ARAP2: variants seen among roughly 807,000 people sequenced by gnomAD.
ARAP2 encodes the protein ArfGAP with RhoGAP domain, ankyrin repeat and PH domain 2, also known as arf-GAP with Rho-GAP domain, ANK repeat and PH domain-containing protein 2.
In ARAP2, 148 loss-of-function variants were observed where a neutral mutation model predicts 194.5. The ratio of observed to expected loss-of-function variants is 0.76; its 90% CI spans 0.67 to 0.87. The LOEUF (loss-of-function observed/expected upper bound fraction) is 0.87. Among genes scored for constraint, ARAP2 ranks in the 40% least tolerant of loss-of-function variants. The pLI, the probability that ARAP2 is intolerant of heterozygous loss-of-function variation, is 0.00. For missense variants in ARAP2, 2,128 were observed against 1,989.7 expected, an observed-to-expected ratio of 1.07 and a Z score of -1.32; for synonymous variants, 695 against 683.5, an observed-to-expected ratio of 1.02 and a Z score of -0.26.
chr4:36,123,318 G>T (rs1723107060), intron 22 of ARAP2, among the ~76,000 whole-genome samples: 1 of 151,718 alleles, frequency 6.6e-6, no homozygotes, highest in South Asian at 2.1e-4. Context: ...CTTTTAGCTA[G>T]GGTAGGGATT....
intron 8 of ARAP2, among the ~76,000 whole-genome samples, chr4:36,178,324 G>C (rs1445098824): frequency 6.6e-6 from 1 of 152,152 alleles, no homozygotes; most frequent in Non-Finnish European, 1.5e-5. Context: ...CTGTATCCCT[G>C]TTAATATCTG....
Position 36,124,979 on chromosome 4 carries a change from A to C in ARAP2, c.3641-12T>G. 6.5e-7 allele frequency: 1 copy of C among 1,534,760 alleles called. No individual in the cohort carries two copies. The highest frequency in any genetic ancestry group is 9.0e-7 in the Non-Finnish European group (1 of 1,110,904). On this transcript the variant is annotated splice_polypyrimidine_tract_variant and intron_variant, in intron 21 of 32. Coordinates refer to ENST00000303965, the MANE Select transcript of ARAP2 (RefSeq NM_015230.4). ...GTCATCTTGCGTATCTGAAGGGGAA[A>C]AAAAAACAATCTTGAGATCTAAACT...
chr4:36,030,430 T>A (rs1293005180), intron 5 of ARAP2, among the ~76,000 whole-genome samples: 3 of 152,120 alleles, frequency 2.0e-5, no homozygotes, highest in Non-Finnish European at 2.9e-5. Flanking sequence ...ATGTATCCTT[T>A]TTATATATAA....
intron 26 of ARAP2, 120 bp from the exon 27 acceptor site, chr4:36,107,813 CAT>C: frequency 2.3e-6 from 2 of 873,458 alleles, no homozygotes; most frequent in South Asian, 2.1e-5. Flanking sequence ...TATACACAAT[CAT>C]ATCTTATGTT....
chr4:36,044,113 G>T (rs1193994756), intron 5 of ARAP2, among the ~76,000 whole-genome samples: 1 of 152,134 alleles, frequency 6.6e-6, no homozygotes, highest in Non-Finnish European at 1.5e-5. Context: ...CATTTATTTA[G>T]CATGTAGTGT....
intron 6 of ARAP2, among the ~76,000 whole-genome samples, chr4:36,197,560 T>C (rs1014014291): frequency 2.6e-5 from 4 of 152,240 alleles, no homozygotes; most frequent in Non-Finnish European, 5.9e-5. Context: ...TGAGTTCTGC[T>C]CTGGCCCACT....
chr4:36,239,294 C>CA (rs1753055137), intron 1 of ARAP2, among the ~76,000 whole-genome samples: 1 of 151,426 alleles, frequency 6.6e-6, no homozygotes, highest in African/African-American at 2.4e-5. Flanking sequence ...AGTATTAACA[C>CA]AAAAAAGATA....
intron 5 of ARAP2, among the ~76,000 whole-genome samples, chr4:36,045,538 G>T (rs1366013894): frequency 2.0e-5 from 3 of 152,084 alleles, no homozygotes; most frequent in Non-Finnish European, 4.4e-5. Flanking sequence ...GAGGCTGGGG[G>T]GTTGGAAAGA....
At chr4:36,060,570 A>G (rs775010500) in intron 1 of ARAP2, among the ~76,000 whole-genome samples, 1 of 152,222 alleles carries the variant, frequency 6.6e-6, no homozygotes, top group African/African-American at 2.4e-5. Flanking sequence ...TCATATATCA[A>G]TATTAACAAA....
Position 36,167,064 on chromosome 4 carries a change from C to A in ARAP2, c.1858-17G>T. ...CTTAAAATCCTAGTTTGGAGAAAAACATAAAAAACTATAAAGAAACAAAAA... is the reference window on the plus strand; with the variant it reads ...CTTAAAATCCTAGTTTGGAGAAAAAAATAAAAAACTATAAAGAAACAAAAA... On this transcript the variant is annotated splice_polypyrimidine_tract_variant and intron_variant, in intron 9 of 32. Transcript: ENST00000303965. 2 of 1,345,414 alleles carry A rather than the reference C, an allele frequency of 1.5e-6. No individual in the cohort carries two copies. The highest frequency in any genetic ancestry group is 2.4e-5 in the East Asian group (1 of 41,988). The allele number at this position is 1,345,414 out of a possible 1,614,324, so 83.3% of individuals were successfully genotyped here.
chr4:36,202,547 G>A (rs1172636112), intron 6 of ARAP2, among the ~76,000 whole-genome samples: 1 of 151,622 alleles, frequency 6.6e-6, no homozygotes, highest in Non-Finnish European at 1.5e-5. Context: ...AAGATTCTTG[G>A]AAGTCAATGA....
chr4:36,033,772 T>G (rs1047870852), intron 5 of ARAP2, among the ~76,000 whole-genome samples: 1 of 152,148 alleles, frequency 6.6e-6, no homozygotes, highest in African/African-American at 2.4e-5. Flanking sequence ...AGGACTCTTA[T>G]AGTTTGGGGT....
chr4:36,195,663 C>T (rs1467208454), intron 6 of ARAP2, among the ~76,000 whole-genome samples: 1 of 152,088 alleles, frequency 6.6e-6, no homozygotes, highest in African/African-American at 2.4e-5. Context: ...CTCCCATTAC[C>T]CCACTATTCC....
chr4:36,056,827 C>T (rs908018954), intron 2 of ARAP2, among the ~76,000 whole-genome samples: 3 of 152,106 alleles, frequency 2.0e-5, no homozygotes, highest in Admixed American at 6.5e-5. Context: ...AATTAAAGCA[C>T]ACATCCTTGA....
At chr4:36,201,571 C>G (rs1744370001) in intron 6 of ARAP2, among the ~76,000 whole-genome samples, 1 of 152,178 alleles carries the variant, frequency 6.6e-6, no homozygotes, top group Non-Finnish European at 1.5e-5. Context: ...GAACATATTT[C>G]TATAAACTCT....
At chr4:36,189,788 A>G (rs979739023) in intron 7 of ARAP2, among the ~76,000 whole-genome samples, 3 of 152,212 alleles carry the variant, frequency 2.0e-5, no homozygotes, top group African/African-American at 7.2e-5. Context: ...TTTCACTGCC[A>G]TATTTCAAGT....
chr4:36,236,751 T>G (rs1032553016), intron 1 of ARAP2, among the ~76,000 whole-genome samples: 1 of 152,190 alleles, frequency 6.6e-6, no homozygotes, highest in Non-Finnish European at 1.5e-5. Flanking sequence ...GATTCAGAGA[T>G]ATATGACAAA....
At chr4:36,184,156 ATT>A (rs1739948360) in intron 8 of ARAP2, among the ~76,000 whole-genome samples, 1 of 152,064 alleles carries the variant, frequency 6.6e-6, no homozygotes, top group Non-Finnish European at 1.5e-5. Flanking sequence ...TATCAAGTGT[ATT>A]AAGTTTACAC....
chr4:36,006,494 A>G (rs574207772), intron 10 of ARAP2: 1 of 152,300 alleles, frequency 6.6e-6, no homozygotes, highest in South Asian at 2.1e-4. Context: ...AATTGAAGCA[A>G]GGATTCCTGG....
Sources: allele counts gnomAD v4.1 joint callset (sites outside exome capture counted in the v4.1 genomes callset), GRCh38; gene constraint gnomAD v4.1.1; transcripts MANE v1.5; gene names NCBI Gene and HGNC (gene_info 2026-07-23, HGNC 2026-07-21).